The following CTNNA2 variants were observed in gnomAD, a reference collection of about 807,000 sequenced individuals.
CTNNA2 encodes catenin alpha-2.
Under a neutral mutation model 101.0 loss-of-function variants are expected in CTNNA2, and 42 were observed. That is an observed-to-expected ratio of 0.42 (90% CI 0.32 to 0.54). The LOEUF (loss-of-function observed/expected upper bound fraction) is 0.54, where lower values mean the gene tolerates loss of function less well. CTNNA2 is among the 20% of genes least tolerant of loss of function. The pLI is 0.14. For synonymous variants in CTNNA2, 450 were observed against 456.4 expected, an observed-to-expected ratio of 0.99 and a Z score of 0.18; for missense variants, 871 against 1,223.1, an observed-to-expected ratio of 0.71 and a Z score of 4.29.
intron 7 of CTNNA2, among the ~76,000 whole-genome samples, chr2:79,943,959 T>A (rs1688323948): frequency 6.6e-6 from 1 of 152,210 alleles, no homozygotes; most frequent in African/African-American, 2.4e-5. Flanking sequence ...TACTTAAGGA[T>A]GGGAGATTCT....
intron 7 of CTNNA2, among the ~76,000 whole-genome samples, chr2:80,168,834 G>A (rs1704863366): frequency 6.6e-6 from 1 of 152,036 alleles, no homozygotes; most frequent in African/African-American, 2.4e-5. Context: ...AGTAGGGGAT[G>A]AGAACTTACG....
intron 7 of CTNNA2, among the ~76,000 whole-genome samples, chr2:80,064,109 T>A (rs1459511424): frequency 6.6e-6 from 1 of 152,208 alleles, no homozygotes; most frequent in African/African-American, 2.4e-5. Flanking sequence ...AAATTATAGT[T>A]GTCTTAGTAC....
chr2:79,407,349 G>T (rs1407969340), intron 4 of CTNNA2, among the ~76,000 whole-genome samples: 1 of 151,974 alleles, frequency 6.6e-6, no homozygotes, highest in Non-Finnish European at 1.5e-5. Flanking sequence ...TCTGGTAGGT[G>T]GTAAGGTGAG....
intron 7 of CTNNA2, among the ~76,000 whole-genome samples, chr2:79,932,350 G>T (rs1450768488): frequency 2.6e-5 from 4 of 152,194 alleles, no homozygotes; most frequent in African/African-American, 9.6e-5. Flanking sequence ...CTAACTGTGT[G>T]ATGGAGAAGA....
chr2:80,122,023 A>G (rs1394574480), intron 7 of CTNNA2, among the ~76,000 whole-genome samples: 2 of 152,176 alleles, frequency 1.3e-5, no homozygotes, highest in Non-Finnish European at 2.9e-5. Flanking sequence ...CGGCTTGGTC[A>G]CAAATGCAGA....
chr2:79,304,578 G>C (rs1009742220), intron 2 of CTNNA2, among the ~76,000 whole-genome samples: 2 of 152,090 alleles, frequency 1.3e-5, no homozygotes, highest in African/African-American at 4.8e-5. Context: ...ATAAACCGAA[G>C]GATTAAGCGT....
intron 7 of CTNNA2, among the ~76,000 whole-genome samples, chr2:80,066,194 T>G (rs1368739445): frequency 6.6e-6 from 1 of 152,220 alleles, no homozygotes; most frequent in African/African-American, 2.4e-5. Flanking sequence ...AGCATTTTAG[T>G]GTGATGTAAC....
intron 2 of CTNNA2, among the ~76,000 whole-genome samples, chr2:79,296,488 A>G (rs1488522360): frequency 6.6e-6 from 1 of 152,140 alleles, no homozygotes; most frequent in Non-Finnish European, 1.5e-5. Context: ...TTTCTCATTT[A>G]TAGCTTTTTT....
intron 11 of CTNNA2, among the ~76,000 whole-genome samples, chr2:80,546,442 A>G (rs1442215025): frequency 2.0e-5 from 3 of 152,162 alleles, no homozygotes; most frequent in South Asian, 4.1e-4. Context: ...AGTTACTCCA[A>G]TTTGGCTATG....
At chr2:79,780,382 C>A (rs1267146403) in intron 3 of CTNNA2, among the ~76,000 whole-genome samples, 1 of 152,164 alleles carries the variant, frequency 6.6e-6, no homozygotes, top group Non-Finnish European at 1.5e-5. Flanking sequence ...TGAACAATCA[C>A]ATTTGACTAC....
At chr2:80,603,904 A>G (rs2149774550) in intron 15 of CTNNA2, 170 bp from the exon 16 acceptor site, 1 of 522,602 alleles carries the variant, frequency 1.9e-6, no homozygotes, top group East Asian at 3.0e-5. Flanking sequence ...ATTTCCAAAA[A>G]CGACTACTAA....
At chr2:79,369,823 C>T (rs143562220) in intron 3 of CTNNA2, among the ~76,000 whole-genome samples, 19 of 152,248 alleles carry the variant, frequency 1.2e-4, no homozygotes, top group African/African-American at 4.1e-4. Context: ...AGCTTAAGTC[C>T]CACCTCCCCT....
chr2:80,496,264 T>C (rs1443729655), intron 9 of CTNNA2, among the ~76,000 whole-genome samples: 1 of 152,146 alleles, frequency 6.6e-6, no homozygotes, highest in East Asian at 1.9e-4. Context: ...TGTAGGGATA[T>C]AGACAAATTT....
At chr2:79,660,684 G>A (rs2104525837) in intron 2 of CTNNA2, among the ~76,000 whole-genome samples, 1 of 152,154 alleles carries the variant, frequency 6.6e-6, no homozygotes, top group East Asian at 1.9e-4. Context: ...CCAGTGTGTA[G>A]TCTGGAATTA....
chr2:80,012,876 C>T (rs916915759), intron 7 of CTNNA2, among the ~76,000 whole-genome samples: 4 of 152,162 alleles, frequency 2.6e-5, no homozygotes, highest in Non-Finnish European at 5.9e-5. Flanking sequence ...AAATTTAAAA[C>T]ATTCTCGACG....
At chr2:79,723,494 A>G (rs182536963) in intron 2 of CTNNA2, among the ~76,000 whole-genome samples, 2 of 152,318 alleles carry the variant, frequency 1.3e-5, no homozygotes, top group East Asian at 1.9e-4. Flanking sequence ...CTACCTCTTC[A>G]TGAGCTACAT....
At chr2:79,310,566 T>A (rs1162468915) in intron 2 of CTNNA2, among the ~76,000 whole-genome samples, 4 of 152,246 alleles carry the variant, frequency 2.6e-5, no homozygotes, top group Non-Finnish European at 5.9e-5. Flanking sequence ...TGGGTGTTGT[T>A]GTCCATATAG....
At chr2:80,153,499 G>T (rs887528558) in intron 7 of CTNNA2, among the ~76,000 whole-genome samples, 3 of 152,164 alleles carry the variant, frequency 2.0e-5, no homozygotes, top group African/African-American at 7.2e-5. Context: ...GGCCTCGTTT[G>T]AAAGGAAGGA....
At position 79,475,765 on chromosome 2, in the gene CTNNA2, A is replaced by C. The variant is rs541053530; in HGVS notation, c.-134-29289A>C. ...TATTCATCATTATGTATGTAAGACC[A>C]AGGGCACCTTGATTCAGATAGAATG... is the stretch of plus-strand genomic sequence containing the variant. On this transcript the variant is annotated intron_variant, in intron 4 of 21. Transcript: ENST00000466387. Among the ~76,000 whole-genome samples, 37 of 152,126 alleles carry C rather than the reference A, an allele frequency of 2.4e-4. No individual in the cohort carries two copies. The South Asian group carries it at 7.7e-3, about 32-fold the overall frequency.
Sources: gnomAD v4.1 joint callset for allele counts (sites outside exome capture counted in the v4.1 genomes callset) on GRCh38, gnomAD v4.1.1 for gene constraint, MANE v1.5 for transcripts, NCBI Gene and HGNC (gene_info 2026-07-23, HGNC 2026-07-21) for gene names.